RORB: variants seen among roughly 807,000 people sequenced by gnomAD.
The protein encoded by RORB is nuclear receptor ROR-beta.
A neutral mutation model predicts 59.1 loss-of-function variants in RORB; 6 were observed. The observed-to-expected ratio is 0.10, with a 90% CI of 0.06 to 0.20. The LOEUF (loss-of-function observed/expected upper bound fraction) is 0.20, where lower values mean the gene tolerates loss of function less well. Ranked by LOEUF, RORB falls within the 10% of genes least tolerant of loss-of-function variation. The probability of loss-of-function intolerance (pLI) is 1.00; values close to 1 mark genes in which losing one functional copy is unlikely to be tolerated. For synonymous variants in RORB, 215 were observed against 204.5 expected (o/e 1.05, Z -0.44); for missense variants, 320 against 560.5 (o/e 0.57, Z 4.33).
chr9:74,601,443 T>C (rs148485678), intron 1 of RORB, among the ~76,000 whole-genome samples: 1 of 151,502 alleles, frequency 6.6e-6, no homozygotes, highest in East Asian at 1.9e-4. Flanking sequence ...TCCCCTCACA[T>C]GCCTAACCAT....
intron 9 of RORB, among the ~76,000 whole-genome samples, chr9:74,673,194 G>A (rs1824377015): frequency 6.6e-6 from 1 of 151,998 alleles, no homozygotes; most frequent in Non-Finnish European, 1.5e-5. Context: ...AGATTCACTG[G>A]GCAGAAAAGA....
intron 1 of RORB, among the ~76,000 whole-genome samples, chr9:74,595,032 C>T (rs1334018405): frequency 6.6e-6 from 1 of 152,146 alleles, no homozygotes; most frequent in Non-Finnish European, 1.5e-5. Flanking sequence ...ATCCTGAAGC[C>T]ATAAATCCAG....
At chr9:74,568,067 T>C (rs1437451320) in intron 1 of RORB, among the ~76,000 whole-genome samples, 1 of 152,226 alleles carries the variant, frequency 6.6e-6, no homozygotes, top group Non-Finnish European at 1.5e-5. Flanking sequence ...TTCCCAATTC[T>C]TCCTGCTGTC....
intron 1 of RORB, among the ~76,000 whole-genome samples, chr9:74,500,706 C>G (rs188908437): frequency 2.0e-5 from 3 of 152,174 alleles, no homozygotes; most frequent in Non-Finnish European, 4.4e-5. Flanking sequence ...ATTCCCACCC[C>G]CTACTCCTCC....
intron 1 of RORB, among the ~76,000 whole-genome samples, chr9:74,577,431 G>C (rs914670321): frequency 1.3e-5 from 2 of 152,008 alleles, no homozygotes; most frequent in Non-Finnish European, 2.9e-5. Context: ...CCCTAAATTT[G>C]CTCTAGGGAG....
chr9:74,515,176 T>A (rs1031881014), intron 1 of RORB, among the ~76,000 whole-genome samples: 7 of 151,314 alleles, frequency 4.6e-5, no homozygotes, highest in Non-Finnish European at 1.0e-4. Flanking sequence ...ATTATAGCAC[T>A]TACGTGTCAT....
At chr9:74,648,274 C>T (rs1302913814) in intron 4 of RORB, among the ~76,000 whole-genome samples, 1 of 152,166 alleles carries the variant, frequency 6.6e-6, no homozygotes, top group Admixed American at 6.5e-5. Context: ...CCTTTGCAGG[C>T]AATTTAGGGA....
intron 1 of RORB, among the ~76,000 whole-genome samples, chr9:74,555,285 A>G (rs745440955): frequency 6.6e-6 from 1 of 152,162 alleles, no homozygotes; most frequent in Non-Finnish European, 1.5e-5. Flanking sequence ...CTTCTTTTTC[A>G]TGTACCACAG....
At chr9:74,548,934 T>C (rs1005157984) in intron 1 of RORB, among the ~76,000 whole-genome samples, 4 of 152,214 alleles carry the variant, frequency 2.6e-5, no homozygotes, top group Admixed American at 2.0e-4. Flanking sequence ...AATTGCATCA[T>C]TATTGGATAT....
At chr9:74,662,002 A>G (rs1396882823) in intron 5 of RORB, among the ~76,000 whole-genome samples, 1 of 152,146 alleles carries the variant, frequency 6.6e-6, no homozygotes, top group East Asian at 1.9e-4. Flanking sequence ...AAGACACAAC[A>G]TAAAAATACT....
At chr9:74,580,043 T>C (rs1162696559) in intron 1 of RORB, among the ~76,000 whole-genome samples, 1 of 152,196 alleles carries the variant, frequency 6.6e-6, no homozygotes, top group Non-Finnish European at 1.5e-5. Context: ...TTATTGTGCC[T>C]AATTTTTAAA....
intron 1 of RORB, among the ~76,000 whole-genome samples, chr9:74,594,475 G>A (rs547263211): frequency 6.6e-6 from 1 of 152,072 alleles, no homozygotes; most frequent in Non-Finnish European, 1.5e-5. Flanking sequence ...AAAATATCAT[G>A]AAAATCATAT....
intron 1 of RORB, among the ~76,000 whole-genome samples, chr9:74,522,636 T>C (rs560059352): frequency 5.9e-5 from 9 of 151,954 alleles, no homozygotes; most frequent in African/African-American, 1.2e-4. Context: ...TGTAGTGCAT[T>C]GTCTGTCACT....
At chr9:74,580,484 C>T (rs1424218582) in intron 1 of RORB, among the ~76,000 whole-genome samples, 1 of 152,054 alleles carries the variant, frequency 6.6e-6, no homozygotes, top group Non-Finnish European at 1.5e-5. Context: ...CGTGTAAGAC[C>T]AAGACAAGAG....
rs891327305 is a variant in RORB at position 74,692,237 on chromosome 9, G to A, written c.*6619G>A. 2.6e-5 allele frequency: 4 copies of A among 152,124 alleles called. No homozygotes were observed. The highest frequency in any genetic ancestry group is 6.5e-5 in the Admixed American group (1 of 15,274). The allele number at this position is 152,124 out of a possible 1,614,324, so 9.4% of individuals were successfully genotyped here. A position where few individuals can be genotyped will look rare whatever the true frequency, so the allele number is the denominator to read the frequency against. ...AGGTGTCATGAGCTATAGCAACACAGGCAGGAGCAAGTTGTTGAAACTGAT... is the reference window on the plus strand; with the variant it reads ...AGGTGTCATGAGCTATAGCAACACAAGCAGGAGCAAGTTGTTGAAACTGAT... On this transcript the variant is annotated 3_prime_UTR_variant, in exon 10 of 10. Transcript: ENST00000376896.
At chr9:74,594,438 T>C (rs1370677626) in intron 1 of RORB, among the ~76,000 whole-genome samples, 4 of 152,170 alleles carry the variant, frequency 2.6e-5, no homozygotes, top group African/African-American at 9.7e-5. Flanking sequence ...CCTTAAGACA[T>C]ATTCAAAACT....
At chr9:74,658,641 A>G (rs1024306393) in intron 4 of RORB, among the ~76,000 whole-genome samples, 3 of 152,220 alleles carry the variant, frequency 2.0e-5, no homozygotes, top group Non-Finnish European at 4.4e-5. Flanking sequence ...TAGTTTGAAA[A>G]CTATAAAGCT....
chr9:74,567,895 T>C (rs1371956365), intron 1 of RORB, among the ~76,000 whole-genome samples: 1 of 152,202 alleles, frequency 6.6e-6, no homozygotes, highest in Non-Finnish European at 1.5e-5. Flanking sequence ...AGAGGAAGCA[T>C]CAAGAACTGC....
chr9:74,642,390 T>C lies in RORB; in HGVS notation c.236-24T>C, dbSNP rs193180900. ...CGCGAATGATAACCACAAGTGCTGT[T>C]TTCTGCTTTTCTCTCCAACCCAGCT... On this transcript the variant is annotated intron_variant, in intron 3 of 9. Coordinates refer to ENST00000376896, the MANE Select transcript of RORB (RefSeq NM_006914.4). 1,330 of 1,584,142 alleles carry C rather than the reference T, an allele frequency of 8.4e-4. 22 individuals are homozygous for C. In the Admixed American group the frequency reaches 0.022, roughly 26 times the overall value.
Sources: gnomAD v4.1 joint callset for allele counts (sites outside exome capture counted in the v4.1 genomes callset) on GRCh38, gnomAD v4.1.1 for gene constraint, MANE v1.5 for transcripts, NCBI Gene and HGNC (gene_info 2026-07-23, HGNC 2026-07-21) for gene names.